The following HDAC5 variants were observed in gnomAD, a reference collection of about 807,000 sequenced individuals.
HDAC5 encodes the protein antigen NY-CO-9.
A neutral mutation model predicts 133.3 loss-of-function variants in HDAC5; 25 were observed. The observed-to-expected ratio is 0.19, with a 90% CI of 0.14 to 0.26. The LOEUF is 0.26. HDAC5 is among the 10% of genes least tolerant of loss of function. HDAC5 has a pLI of 1.00. For missense variants in HDAC5, 1,041 were observed against 1,460.5 expected (o/e 0.71, Z 4.68); for synonymous variants, 589 against 610.8 (o/e 0.96, Z 0.53).
chr17:44,083,129 C>G (rs2050475601), intron 18 of HDAC5, among the ~76,000 whole-genome samples: 1 of 152,120 alleles, frequency 6.6e-6, no homozygotes, highest in African/African-American at 2.4e-5. Flanking sequence ...CAAGCACACG[C>G]CACCACACCT....
At chr17:44,104,290 C>G (rs2051800558) in intron 3 of HDAC5, among the ~76,000 whole-genome samples, 1 of 151,344 alleles carries the variant, frequency 6.6e-6, no homozygotes, top group African/African-American at 2.4e-5. Context: ...GGCAACAGAG[C>G]GAGACTCTGT....
In HDAC5 at chr17:44,092,543, C is replaced by A. The variant is rs1431960688; in HGVS notation, c.773-16G>T. The A allele has an allele frequency of 1.9e-6, 3 of 1,609,630 alleles. No homozygotes were observed. Among genetic ancestry groups the A allele is most frequent in the Non-Finnish European group, 2.5e-6 (3 of 1,176,622 alleles). On this transcript the variant is annotated splice_polypyrimidine_tract_variant and intron_variant, in intron 7 of 26. Transcript: ENST00000682912. ...GGTTCAGAGGCTGGAGAGAAGGTAA[C>A]CGAGGTTCAGATACGCGCACAGCAG...
chr17:44,083,176 G>A (rs2050477387), intron 18 of HDAC5, among the ~76,000 whole-genome samples: 1 of 152,032 alleles, frequency 6.6e-6, no homozygotes. Context: ...TTACTATGTT[G>A]CCCAGGCTGG....
chr17:44,079,079 G>C, intron 24 of HDAC5, 65 bp downstream of exon 24: 1 of 1,582,424 alleles, frequency 6.3e-7, no homozygotes, highest in Admixed American at 1.7e-5. Context: ...CCCAGTGCTG[G>C]CTGACCCCTT....
chr17:44,087,579 G>A lies in HDAC5; in HGVS notation c.1717C>T (p.Arg573Trp), dbSNP rs373483632. The A allele has an allele frequency of 1.2e-5, 20 of 1,614,044 alleles. No homozygotes were observed. Among genetic ancestry groups the A allele is most frequent in the South Asian group, 3.3e-5 (3 of 91,086 alleles). The stretch of plus-strand genomic sequence containing the variant: ...CTCTCACTCTCTGTGGAGCCCTCCC[G>A]GGGCATGGTCAGGGCTCCCTCCCCC... ...LLGEGALTMP[R>W]EGSTESESTQ... The change falls in exon 13 of 27, where the codon CGG becomes TGG. Residue 573 changes from arginine (R) to tryptophan (W), a missense_variant. Arg to Trp is a moderately radical substitution (Grantham distance 101). This residue lies in a region of HDAC5 where 433 missense variants were observed against 531.6 expected (regional missense o/e 0.81). Transcript: ENST00000682912.
At chr17:44,105,077 G>A (rs1264608112) in intron 3 of HDAC5, among the ~76,000 whole-genome samples, 1 of 152,156 alleles carries the variant, frequency 6.6e-6, no homozygotes, top group Non-Finnish European at 1.5e-5. Flanking sequence ...AGCTCTTCTG[G>A]CTCTCTGTCT....
At position 44,086,682 on chromosome 17, in the gene HDAC5, C is replaced by T; in HGVS notation, c.1940G>A (p.Ser647Asn). 1 of 1,299,948 alleles carries T rather than the reference C, an allele frequency of 7.7e-7. No homozygotes were observed. The highest frequency in any genetic ancestry group is 9.8e-7 in the Non-Finnish European group (1 of 1,016,756). 80.5% of individuals were successfully genotyped at this position (1,299,948 alleles called of 1,614,324 possible). ...GGCCTGGTGGGGCACAGTGGCCAGG[C>T]TGAGGGGCGCCTGGTACACCTGCAA... ...QPLQVYQAPL[S>N]LATVPHQALG... is the part of the protein sequence containing the mutation. Residue 647 changes from serine (S) to asparagine (N), a missense_variant, in exon 14 of 27, where the codon AGC becomes AAC. Ser to Asn is a conservative substitution (Grantham distance 46, BLOSUM62 1). This residue lies in a region of HDAC5 where 433 missense variants were observed against 531.6 expected (regional missense o/e 0.81). Transcript: ENST00000682912.
At chr17:44,099,223 G>A (rs615070) in intron 3 of HDAC5, among the ~76,000 whole-genome samples, 102,157 of 152,076 alleles carry the variant, frequency 0.67, 35,648 homozygotes, top group South Asian at 0.88. Flanking sequence ...GATGGGAATC[G>A]AGAGGCCAGT....
intron 13 of HDAC5, 152 bp downstream of exon 13, chr17:44,087,260 T>G: frequency 1.7e-6 from 1 of 589,760 alleles, no homozygotes; most frequent in East Asian, 2.8e-5. Context: ...CCCACCGGCC[T>G]CCTTCCCACT....
intron 23 of HDAC5, 46 bp from the exon 24 acceptor site, chr17:44,079,323 T>C: frequency 6.3e-7 from 1 of 1,588,408 alleles, no homozygotes; most frequent in Non-Finnish European, 8.6e-7. Flanking sequence ...CGAAAGGTAA[T>C]CAATCAATTC....
intron 1 of HDAC5, chr17:44,123,164 G>C (rs2053115802): frequency 4.9e-6 from 1 of 204,528 alleles, no homozygotes; most frequent in South Asian, 1.9e-4. Context: ...CGCAACATGC[G>C]CCGCCAGGGA....
rs538090204 is a variant in HDAC5 at position 44,079,654 on chromosome 17, A to T, written c.2945-377T>A. Among the ~76,000 whole-genome samples the T allele has an allele frequency of 2.7e-3, 409 of 151,686 alleles. 1 individual carries two copies. The highest frequency in any genetic ancestry group is 9.0e-3 in the African/African-American group (373 of 41,432). ...GACTCCACCTCAAAAAAAAAAAAAA[A>T]AAAAAAGAAAGAAAAGGAGAGAAAA... is the stretch of plus-strand genomic sequence containing the variant. On this transcript the variant is annotated intron_variant, in intron 23 of 26. Coordinates refer to ENST00000682912, the MANE Select transcript of HDAC5 (RefSeq NM_005474.5).
rs369028803 is a variant in HDAC5, at chr17:44,092,281, G to A, written c.923C>T (p.Ser308Leu). The A allele has an allele frequency of 1.9e-6, 3 of 1,614,008 alleles. No homozygotes were observed. Among genetic ancestry groups the A allele is most frequent in the Non-Finnish European group, 2.5e-6 (3 of 1,179,958 alleles). ...GCCGGGTGCGCTGTTACACACGGACGACGCTATAGGAGAAGTGGCTGTCAC... is the reference window on the plus strand; with the variant it reads ...GCCGGGTGCGCTGTTACACACGGACAACGCTATAGGAGAAGTGGCTGTCAC... ...VEITGAGPGA[S>L]SVCNSAPGSG... Residue 308 changes from serine to leucine, a missense_variant, in exon 9 of 27, where the codon TCG (serine) becomes TTG (leucine). Ser to Leu is a moderately radical substitution (Grantham distance 145). Around this residue, in one of 9 missense-constraint regions of HDAC5, gnomAD observed 433 missense variants for 531.6 expected, o/e 0.81. Coordinates refer to ENST00000682912, the MANE Select transcript of HDAC5 (RefSeq NM_005474.5).
At chr17:44,093,063 GC>G in intron 6 of HDAC5, 28 bp downstream of exon 6, 1 of 1,543,834 alleles carries the variant, frequency 6.5e-7, no homozygotes. Context: ...GCTCACCTAT[GC>G]CCACCCATGC....
intron 3 of HDAC5, among the ~76,000 whole-genome samples, chr17:44,098,887 C>T (rs979379123): frequency 5.9e-5 from 9 of 151,652 alleles, no homozygotes; most frequent in Admixed American, 5.9e-4. Flanking sequence ...GAGTCCGAGG[C>T]GGGAGGATCA....
chr17:44,123,175 A>C, intron 1 of HDAC5: 5 of 210,054 alleles, frequency 2.4e-5, no homozygotes, highest in East Asian at 1.1e-4. Context: ...CCGCCAGGGA[A>C]GGGGCAAATC....
chr17:44,103,911 T>C (rs138500683), intron 3 of HDAC5, among the ~76,000 whole-genome samples: 1,885 of 151,820 alleles, frequency 0.012, 17 homozygotes, highest in Non-Finnish European at 0.021. Context: ...TTTCACCATG[T>C]TGGCCAGGCT....
In HDAC5 at chr17:44,092,464, C is replaced by CCT; in HGVS notation, c.835_836insAG (p.Ser279LysfsTer97). 1 of 1,614,062 alleles carries CCT rather than the reference C, an allele frequency of 6.2e-7. No homozygotes were observed. Among genetic ancestry groups the CCT allele is most frequent in the Non-Finnish European group, 8.5e-7 (1 of 1,179,994 alleles). Reference sequence around the variant, plus strand: ...CCCATCCTTGCGACGCAGGAGGGGACTGCTTCTCCGCTCAGCCACCTTCTG... The same window carrying CCT: ...CCCATCCTTGCGACGCAGGAGGGGACCTTGCTTCTCCGCTCAGCCACCTTCTG... On this transcript the variant is annotated frameshift_variant, in exon 8 of 27. Transcript: ENST00000682912. LOFTEE classifies it high-confidence loss of function.
intron 1 of HDAC5, among the ~76,000 whole-genome samples, chr17:44,118,921 A>C (rs934721719): frequency 6.6e-6 from 1 of 152,184 alleles, no homozygotes; most frequent in African/African-American, 2.4e-5. Flanking sequence ...GGTGGGGTCC[A>C]TTTGGAGCCC....
Sources: allele counts gnomAD v4.1 joint callset (sites outside exome capture counted in the v4.1 genomes callset), GRCh38; gene constraint gnomAD v4.1.1; regional missense constraint gnomAD v4.1.1; transcripts MANE v1.5; gene names NCBI Gene and HGNC (gene_info 2026-07-23, HGNC 2026-07-21).